Variants in ADGRB1 observed in about 807,000 individuals in gnomAD.
ADGRB1 encodes the protein adhesion G protein-coupled receptor B1, also known as brain-specific angiogenesis inhibitor 1.
A neutral mutation model predicts 175.7 loss-of-function variants in ADGRB1; 36 were observed. That is an observed-to-expected ratio of 0.20 (90% CI 0.16 to 0.27). The LOEUF (loss-of-function observed/expected upper bound fraction) is 0.27, where lower values mean the gene tolerates loss of function less well. ADGRB1 is among the 10% of genes least tolerant of loss of function. The probability of loss-of-function intolerance (pLI) is 1.00; values close to 1 mark genes in which losing one functional copy is unlikely to be tolerated. For synonymous variants in ADGRB1, 1,054 were observed against 979.4 expected, an observed-to-expected ratio of 1.08 and a Z score of -1.42; for missense variants, 1,731 against 2,255.3, an observed-to-expected ratio of 0.77 and a Z score of 4.71.
At chr8:142,451,038 C>T (rs942485942) in intron 1 of ADGRB1, among the ~76,000 whole-genome samples, 1 of 152,130 alleles carries the variant, frequency 6.6e-6, no homozygotes, top group Non-Finnish European at 1.5e-5. Context: ...CCTCGAGGAA[C>T]GAGCACGGCC....
Position 142,537,221 on chromosome 8 carries a change from T to A in ADGRB1, c.3666+139T>A, listed in dbSNP as rs1021170501. 42 of 631,230 alleles carry A rather than the reference T, an allele frequency of 6.7e-5. No individual in the cohort carries two copies. Among genetic ancestry groups the A allele is most frequent in the African/African-American group, 5.7e-4 (30 of 52,196 alleles). The allele number at this position is 631,230 out of a possible 1,614,324, so 39.1% of individuals were successfully genotyped here. Reference sequence around the variant, plus strand: ...GAGGAGCTCTGAACCCAGTGTGCAGTTGGGGAAACTGAGGCTCGCCAAGTG... The same window carrying A: ...GAGGAGCTCTGAACCCAGTGTGCAGATGGGGAAACTGAGGCTCGCCAAGTG... On this transcript the variant is annotated intron_variant, in intron 26 of 30. Coordinates refer to ENST00000517894, the MANE Select transcript of ADGRB1 (RefSeq NM_001702.3). The surrounding 1 kb of genome is among the most constrained non-coding windows in gnomAD (Gnocchi z 4.6).
chr8:142,521,032 G>T, intron 20 of ADGRB1, 107 bp downstream of exon 20: 2 of 1,104,542 alleles, frequency 1.8e-6, no homozygotes, highest in Non-Finnish European at 2.6e-6. Flanking sequence ...TCAGGCAGGC[G>T]GGTGTGGGGG....
intron 2 of ADGRB1, among the ~76,000 whole-genome samples, chr8:142,465,400 C>A (rs1369856627): frequency 6.6e-6 from 1 of 152,144 alleles, no homozygotes; most frequent in Non-Finnish European, 1.5e-5. Context: ...GAGGCTGCAG[C>A]GGCCTGGGGC....
chr8:142,471,039 A>G (rs993432575), intron 2 of ADGRB1, among the ~76,000 whole-genome samples: 5 of 152,166 alleles, frequency 3.3e-5, no homozygotes, highest in African/African-American at 1.2e-4. Flanking sequence ...AGGTAGTCTC[A>G]TGGTGACAGG....
At chr8:142,497,116 G>A (rs548879288) in intron 17 of ADGRB1, among the ~76,000 whole-genome samples, 10 of 152,334 alleles carry the variant, frequency 6.6e-5, no homozygotes, top group Non-Finnish European at 1.2e-4. Context: ...TTTATTAACC[G>A]ATTTTACAGC....
At chr8:142,513,505 T>A (rs889076035) in intron 18 of ADGRB1, among the ~76,000 whole-genome samples, 1 of 152,076 alleles carries the variant, frequency 6.6e-6, no homozygotes, top group South Asian at 2.1e-4. Flanking sequence ...GCTCTCTGGG[T>A]GCAGCCTGCC....
intron 2 of ADGRB1, among the ~76,000 whole-genome samples, chr8:142,472,818 C>A (rs1840740311): frequency 6.6e-6 from 1 of 152,068 alleles, no homozygotes; most frequent in Admixed American, 6.5e-5. Flanking sequence ...TGACCAGGGT[C>A]AGGAATCAGT....
chr8:142,476,375 TGGCGCGGG>T (rs1216891666), intron 3 of ADGRB1, among the ~76,000 whole-genome samples: 1 of 151,262 alleles, frequency 6.6e-6, no homozygotes, highest in African/African-American at 2.4e-5. Context: ...GTGAGGGAGG[TGGCGCGGG>T]GTATGGGAGA....
At chr8:142,465,450 G>A (rs563644119) in intron 2 of ADGRB1, among the ~76,000 whole-genome samples, 1 of 152,226 alleles carries the variant, frequency 6.6e-6, no homozygotes, top group Non-Finnish European at 1.5e-5. Context: ...TGATGGTCCT[G>A]GGGACTCGGG....
Position 142,481,633 on chromosome 8 carries a change from G to A in ADGRB1, c.2052G>A (p.Leu684=), listed in dbSNP as rs1212775108. ...QDGTSYSGDL[L]STIDVLRNMT... is the part of the protein sequence containing the mutation. ...GGACCAGCTACAGTGGGGACCTGCTGTCCACCATCGATGTCCTGAGGAACA... is the reference window on the plus strand; with the variant it reads ...GGACCAGCTACAGTGGGGACCTGCTATCCACCATCGATGTCCTGAGGAACA... The change falls in exon 11 of 31, where the codon CTG becomes CTA. Residue 684 remains leucine (L), a synonymous_variant. Transcript: ENST00000517894. 6 of 1,607,256 alleles carry A rather than the reference G, an allele frequency of 3.7e-6. No homozygotes were observed. The highest frequency in any genetic ancestry group is 1.1e-5 in the South Asian group (1 of 89,496).
chr8:142,461,447 G>A lies in ADGRB1; in HGVS notation c.-219-2533G>A, dbSNP rs529568609. On this transcript the variant is annotated intron_variant, in intron 1 of 30. Transcript: ENST00000517894. ...CCACACGGCGTTGCGGACACCAGCC[G>A]CGTCGTGGCCAGCTGGGCTTATGAG... is the stretch of plus-strand genomic sequence containing the variant. 1.4e-4 allele frequency among the ~76,000 whole-genome samples: 22 copies of A among 152,334 alleles called. No homozygotes were observed. In the South Asian group the frequency reaches 4.4e-3, roughly 30 times the overall value.
Position 142,469,694 on chromosome 8 carries a change from T to C in ADGRB1, c.784+4712T>C, listed in dbSNP as rs112121571. ...GTGCACGTGAATGTGTGTGAATGTGTGCGTGCCTGTGTGTGAATGTGAGTG... is the reference window on the plus strand; with the variant it reads ...GTGCACGTGAATGTGTGTGAATGTGCGCGTGCCTGTGTGTGAATGTGAGTG... On this transcript the variant is annotated intron_variant, in intron 2 of 30. Transcript: ENST00000517894. Among the ~76,000 whole-genome samples the C allele has an allele frequency of 3.0e-3, 439 of 147,020 alleles. 7 individuals carry two copies. The highest frequency in any genetic ancestry group is 0.01 in the African/African-American group (419 of 40,830).
intron 20 of ADGRB1, 62 bp from the exon 21 acceptor site, chr8:142,521,903 T>G: frequency 6.6e-7 from 1 of 1,525,248 alleles, no homozygotes. Flanking sequence ...AGGCACTCAG[T>G]GGGGACAGGT....
In ADGRB1 at chr8:142,511,026, G is replaced by A. The variant is rs1296451359; in HGVS notation, c.2770G>A (p.Asp924Asn). The A allele has an allele frequency of 4.6e-5, 61 of 1,313,668 alleles. No individual in the cohort carries two copies. The highest frequency in any genetic ancestry group is 5.9e-5 in the Non-Finnish European group (60 of 1,014,190). The allele number at this position is 1,313,668 out of a possible 1,614,324, so 81.4% of individuals were successfully genotyped here. The change falls in exon 18 of 31, where the codon GAC becomes AAC. Residue 924 changes from aspartate (D) to asparagine (N), a missense_variant. By Grantham distance (23) the Asp-to-Asn change is conservative. Around this residue, in one of 8 missense-constraint regions of ADGRB1, gnomAD observed 77 missense variants for 71.6 expected, o/e 1.08. Transcript: ENST00000517894. The surrounding 1 kb of genome is among the most constrained non-coding windows in gnomAD (Gnocchi z 4.5). Reference sequence around the variant, plus strand: ...CGCCCTCCGGACGCGCTGCCTCTGTGACCGGCTCTCCACCTTCGCCATCTT... The same window carrying A: ...CGCCCTCCGGACGCGCTGCCTCTGTAACCGGCTCTCCACCTTCGCCATCTT... ...LDALRTRCLCDRLSTFAILAQ... is the reference protein window; with the variant it reads ...LDALRTRCLCNRLSTFAILAQ...
At chr8:142,453,390 A>AC (rs1309244453) in intron 1 of ADGRB1, among the ~76,000 whole-genome samples, 1 of 151,810 alleles carries the variant, frequency 6.6e-6, no homozygotes, top group Non-Finnish European at 1.5e-5. Flanking sequence ...CACGGGATGG[A>AC]CCCCTGGGAG....
rs955473239 is a variant in ADGRB1, at chr8:142,510,912, C to T, written c.2676-20C>T. On this transcript the variant is annotated intron_variant, in intron 17 of 30. Coordinates refer to ENST00000517894, the MANE Select transcript of ADGRB1 (RefSeq NM_001702.3). The surrounding 1 kb of genome is among the most constrained non-coding windows in gnomAD (Gnocchi z 6.3). ...GCTGACGCTCCGCCTGTCTCCCTCC[C>T]GTGTCCCGCCCGCCCCCAGACCCTC... The T allele has an allele frequency of 2.2e-4, 233 of 1,078,064 alleles. 1 individual carries two copies. The highest frequency in any genetic ancestry group is 2.4e-4 in the Non-Finnish European group (209 of 882,964). The allele number at this position is 1,078,064 out of a possible 1,614,324, so 66.8% of individuals were successfully genotyped here. A position where few individuals can be genotyped will look rare whatever the true frequency, so the allele number is the denominator to read the frequency against.
chr8:142,539,558 A>C, intron 27 of ADGRB1, 145 bp downstream of exon 27: 1 of 1,020,526 alleles, frequency 9.8e-7, no homozygotes, highest in Non-Finnish European at 1.4e-6. Context: ...CGTCAGGCCC[A>C]CCTGGACCCA....
In ADGRB1 at chr8:142,510,916, T is replaced by TGCC; in HGVS notation, c.2676-16_2676-15insGCC. On this transcript the variant is annotated splice_polypyrimidine_tract_variant and intron_variant, in intron 17 of 30. Transcript: ENST00000517894. This position sits in a 1 kb window ranked among gnomAD's most constrained non-coding sequence, Gnocchi z 6.3. ...ACGCTCCGCCTGTCTCCCTCCCGTG[T>TGCC]CCCGCCCGCCCCCAGACCCTCCTCC... 172 of 969,428 alleles carry TGCC rather than the reference T, an allele frequency of 1.8e-4. No individual in the cohort carries two copies. The highest frequency in any genetic ancestry group is 2.0e-4 in the Non-Finnish European group (161 of 789,014). The allele number at this position is 969,428 out of a possible 1,614,324, so 60.1% of individuals were successfully genotyped here. A position where few individuals can be genotyped will look rare whatever the true frequency, so the allele number is the denominator to read the frequency against.
intron 1 of ADGRB1, among the ~76,000 whole-genome samples, chr8:142,451,859 C>G (rs1031760341): frequency 7.1e-4 from 108 of 152,298 alleles, no homozygotes; most frequent in Admixed American, 2.0e-3. Context: ...GCCGAGGAGG[C>G]AACGAGGGAG....
Sources: gnomAD v4.1 joint callset for allele counts (sites outside exome capture counted in the v4.1 genomes callset) on GRCh38, gnomAD v4.1.1 for gene constraint, gnomAD v4.1.1 regional missense constraint, Gnocchi (gnomAD v3.1) non-coding constraint, MANE v1.5 for transcripts, NCBI Gene and HGNC (gene_info 2026-07-23, HGNC 2026-07-21) for gene names.